Variants in SEMA3D observed in about 807,000 individuals in gnomAD.
The protein encoded by SEMA3D is semaphorin 3D, also known as semaphorin-3D.
Under a neutral mutation model 100.1 loss-of-function variants are expected in SEMA3D, and 84 were observed. The ratio of observed to expected loss-of-function variants is 0.84; its 90% confidence interval spans 0.70 to 1.01. The LOEUF is 1.01. Ranked by LOEUF, SEMA3D falls within the 50% of genes least tolerant of loss-of-function variation. SEMA3D has a pLI of 0.00. For synonymous variants in SEMA3D, 312 were observed against 320.7 expected, an observed-to-expected ratio of 0.97 and a Z score of 0.29; for missense variants, 875 against 934.1, an observed-to-expected ratio of 0.94 and a Z score of 0.82.
At chr7:85,227,646 G>A in the SEMA3D span, among the ~76,000 whole-genome samples, 736 of 152,150 alleles carry the variant, frequency 4.8e-3, 9 homozygotes, top group African/African-American at 0.017. Flanking sequence ...AAACATGCAT[G>A]ACAAATATAT....
the SEMA3D span, among the ~76,000 whole-genome samples, chr7:85,226,763 T>A: frequency 1.3e-5 from 2 of 152,162 alleles, no homozygotes; most frequent in Non-Finnish European, 2.9e-5. Context: ...ATTAGTATTG[T>A]TTAAAGTGAG....
intron 1 of SEMA3D, among the ~76,000 whole-genome samples, chr7:85,172,684 C>T (rs185438867): frequency 2.6e-5 from 4 of 152,132 alleles, no homozygotes; most frequent in Admixed American, 6.5e-5. Flanking sequence ...GGTTCCTACA[C>T]GGTCCTCTGA....
At chr7:85,021,001 G>C (rs373667880) in intron 13 of SEMA3D, among the ~76,000 whole-genome samples, 1 of 151,186 alleles carries the variant, frequency 6.6e-6, no homozygotes. Context: ...TGAAGTGTCA[G>C]GTTAGTACAG....
intron 1 of SEMA3D, among the ~76,000 whole-genome samples, chr7:85,154,868 TAA>T (rs879639385): frequency 1.3e-5 from 2 of 152,142 alleles, no homozygotes; most frequent in Non-Finnish European, 2.9e-5. Context: ...AAAATATGCA[TAA>T]GTCTGAAAAG....
intron 2 of SEMA3D, among the ~76,000 whole-genome samples, chr7:85,126,448 A>C (rs1034992845): frequency 7.4e-6 from 1 of 134,232 alleles, no homozygotes; most frequent in African/African-American, 2.9e-5. Context: ...TAGGTTGGGG[A>C]AGGGAAGGAA....
chr7:85,172,501 G>A (rs1246959008), intron 1 of SEMA3D, among the ~76,000 whole-genome samples: 1 of 151,886 alleles, frequency 6.6e-6, no homozygotes, highest in African/African-American at 2.4e-5. Context: ...ACTGTATTCT[G>A]AGGAATGACC....
At chr7:85,123,230 T>C (rs1324956762) in intron 2 of SEMA3D, among the ~76,000 whole-genome samples, 3 of 152,112 alleles carry the variant, frequency 2.0e-5, no homozygotes, top group Non-Finnish European at 2.9e-5. Context: ...TCTAGTGATC[T>C]TCAGCTCCTG....
intron 3 of SEMA3D, among the ~76,000 whole-genome samples, chr7:85,105,045 T>C (rs534136644): frequency 6.6e-6 from 1 of 152,070 alleles, no homozygotes; most frequent in Non-Finnish European, 1.5e-5. Context: ...TTCTTTTTCC[T>C]TCAGGAAATA....
At chr7:85,020,131 CTTCTTCAGGTAACCTGATGATGTATTAAA>C in intron 14 of SEMA3D, 73 bp downstream of exon 14, 1 of 729,558 alleles carries the variant, frequency 1.4e-6, no homozygotes, top group South Asian at 1.8e-5. Context: ...ATTTCAAAGG[CTTCTTCAGGTAACCTGATGATGTATTAAA>C]ACAAGGGTGC....
intron 3 of SEMA3D, among the ~76,000 whole-genome samples, chr7:85,108,189 G>A (rs933706401): frequency 5.3e-5 from 8 of 151,976 alleles, no homozygotes; most frequent in Non-Finnish European, 1.2e-4. Context: ...AGAAGCCCTT[G>A]AAGATAAAAA....
At chr7:85,066,280 C>A (rs1791617356) in intron 7 of SEMA3D, among the ~76,000 whole-genome samples, 1 of 149,074 alleles carries the variant, frequency 6.7e-6, no homozygotes, top group African/African-American at 2.5e-5. Context: ...ACAAAGAAGA[C>A]AGGAGAAGGA....
In SEMA3D at chr7:84,995,905, A is replaced by T. The variant is rs924264725; in HGVS notation, c.*3535T>A. The T allele has an allele frequency of 3.9e-5, 6 of 151,964 alleles. No individual in the cohort carries two copies. The highest frequency in any genetic ancestry group is 1.4e-4 in the African/African-American group (6 of 41,424). 9.4% of individuals were successfully genotyped at this position (151,964 alleles called of 1,614,324 possible). The stretch of plus-strand genomic sequence containing the variant: ...TCGATTTTATTTTACCTGACTTGTA[A>T]GATGAATTATTTAAAATTGTGATCA... On this transcript the variant is annotated 3_prime_UTR_variant, in exon 19 of 19. Coordinates refer to ENST00000284136, the MANE Select transcript of SEMA3D (RefSeq NM_001384900.1).
intron 1 of SEMA3D, among the ~76,000 whole-genome samples, chr7:85,176,502 C>T (rs1028887722): frequency 6.6e-6 from 1 of 151,970 alleles, no homozygotes; most frequent in Non-Finnish European, 1.5e-5. Context: ...TCAGCTGTTG[C>T]CCCAGTATAA....
chr7:85,046,688 T>C (rs1791017511), intron 9 of SEMA3D, among the ~76,000 whole-genome samples: 2 of 151,948 alleles, frequency 1.3e-5, no homozygotes, highest in Non-Finnish European at 2.9e-5. Flanking sequence ...ATTTCTCCTG[T>C]AGGGAAATGT....
the SEMA3D span, among the ~76,000 whole-genome samples, chr7:85,228,513 A>G: frequency 2.6e-5 from 4 of 152,146 alleles, no homozygotes; most frequent in Admixed American, 2.6e-4. Context: ...TTCCAATGTC[A>G]GATCTGGAAA....
chr7:85,181,374 A>G (rs1791407759), intron 1 of SEMA3D, among the ~76,000 whole-genome samples: 1 of 151,270 alleles, frequency 6.6e-6, no homozygotes, highest in Non-Finnish European at 1.5e-5. Flanking sequence ...GCACTGCTAG[A>G]GTTGTATTGA....
At chr7:85,152,378 A>G (rs964610238) in intron 2 of SEMA3D, among the ~76,000 whole-genome samples, 2 of 152,144 alleles carry the variant, frequency 1.3e-5, no homozygotes, top group African/African-American at 4.8e-5. Context: ...ATGGTAGTCA[A>G]AAGACATCAT....
chr7:85,138,834 C>T (rs1449593499), intron 2 of SEMA3D, among the ~76,000 whole-genome samples: 1 of 151,296 alleles, frequency 6.6e-6, no homozygotes, highest in Non-Finnish European at 1.5e-5. Flanking sequence ...CTGACAGGCC[C>T]CGATGTGTGA....
At chr7:85,249,857 G>A in the SEMA3D span, among the ~76,000 whole-genome samples, 2 of 152,154 alleles carry the variant, frequency 1.3e-5, no homozygotes, top group African/African-American at 4.8e-5. Flanking sequence ...CGATACCTGA[G>A]GGAGGAGCCA....
Sources: allele counts gnomAD v4.1 joint callset (sites outside exome capture counted in the v4.1 genomes callset), GRCh38; gene constraint gnomAD v4.1.1; transcripts MANE v1.5; gene names NCBI Gene and HGNC (gene_info 2026-07-23, HGNC 2026-07-21).